USH2A: variants seen among roughly 807,000 people sequenced by gnomAD.
The protein encoded by USH2A is usherin, also known as Usher syndrome 2A (autosomal recessive, mild).
USH2A carries 443 observed loss-of-function variants against 538.9 expected under a neutral mutation model. That is an observed-to-expected ratio of 0.82 (90% CI 0.76 to 0.89). USH2A has a LOEUF of 0.89. Among genes scored for constraint, USH2A ranks in the 40% least tolerant of loss-of-function variants. The pLI is 0.00. For synonymous variants in USH2A, 2,413 were observed against 2,273.5 expected (o/e 1.06, Z -1.75); for missense variants, 6,633 against 6,324.8 (o/e 1.05, Z -1.65).
intron 3 of USH2A, among the ~76,000 whole-genome samples, chr1:216,370,701 A>AAAAAAAAAAAAAAAAAC (rs1208265115): frequency 6.6e-6 from 1 of 150,378 alleles, no homozygotes; most frequent in African/African-American, 2.5e-5. Flanking sequence ...AAAAAAAAAA[A>AAAAAAAAAAAAAAAAAC]ATACTCAAGG....
At chr1:216,037,131 T>A (rs1213813156) in intron 32 of USH2A, among the ~76,000 whole-genome samples, 1 of 152,032 alleles carries the variant, frequency 6.6e-6, no homozygotes, top group Non-Finnish European at 1.5e-5. Flanking sequence ...CCTTAAAGAT[T>A]TTTTTAAGAT....
At position 216,394,720 on chromosome 1, in the gene USH2A, C is replaced by CTTTTTTTTTTTTTTTTTTTTTTTTTTTTT. The variant is rs780581599; in HGVS notation, c.651+23793_651+23794insAAAAAAAAAAAAAAAAAAAAAAAAAAAAA. ...CTTAAGGCCTAATAACTGGTCCAGT[C>CTTTTTTTTTTTTTTTTTTTTTTTTTTTTT]TTTTTTTTTTTTTTTTGAGACAGAG... On this transcript the variant is annotated intron_variant, in intron 3 of 71. Coordinates refer to ENST00000307340, the MANE Select transcript of USH2A (RefSeq NM_206933.4). Among the ~76,000 whole-genome samples, 10 of 120,324 alleles carry CTTTTTTTTTTTTTTTTTTTTTTTTTTTTT rather than the reference C, an allele frequency of 8.3e-5. 3 individuals are homozygous for CTTTTTTTTTTTTTTTTTTTTTTTTTTTTT. The highest frequency in any genetic ancestry group is 1.2e-4 in the African/African-American group (4 of 33,090). The allele number at this position is 120,324 out of a possible 152,430, so 78.9% of individuals were successfully genotyped here.
chr1:215,708,536 G>A lies in USH2A; in HGVS notation c.12066+19494C>T, dbSNP rs74144006. On this transcript the variant is annotated intron_variant, in intron 61 of 71. Transcript: ENST00000307340. ...GTTTCATGGAAGACAATTTTTCCAT[G>A]GAAGGGGGAGGTGGGGATGGTTTTA... is the stretch of plus-strand genomic sequence containing the variant. Among the ~76,000 whole-genome samples the A allele has an allele frequency of 2.8e-3, 426 of 152,326 alleles. 2 individuals are homozygous for A. Among genetic ancestry groups the A allele is most frequent in the African/African-American group, 7.6e-3 (317 of 41,576 alleles).
At chr1:216,075,820 G>A (rs192374631) in intron 27 of USH2A, among the ~76,000 whole-genome samples, 64 of 150,600 alleles carry the variant, frequency 4.2e-4, no homozygotes, top group Non-Finnish European at 6.9e-4. Flanking sequence ...AATTAGTCTT[G>A]TATCTGGTTC....
intron 16 of USH2A, among the ~76,000 whole-genome samples, chr1:216,207,037 G>T (rs917774553): frequency 6.6e-6 from 1 of 151,858 alleles, no homozygotes; most frequent in Non-Finnish European, 1.5e-5. Context: ...TCTTGATGGG[G>T]TCATTTTTTT....
At chr1:215,834,383 T>C (rs1234959653) in intron 47 of USH2A, among the ~76,000 whole-genome samples, 1 of 152,206 alleles carries the variant, frequency 6.6e-6, no homozygotes, top group Non-Finnish European at 1.5e-5. Flanking sequence ...TGCTAGTATG[T>C]ATATAATAAG....
At chr1:215,848,727 T>C (rs925434525) in intron 44 of USH2A, among the ~76,000 whole-genome samples, 2 of 152,202 alleles carry the variant, frequency 1.3e-5, no homozygotes, top group Non-Finnish European at 2.9e-5. Flanking sequence ...CAACATTTGC[T>C]TCAACACTTG....
chr1:216,319,749 C>T (rs1052579448), intron 9 of USH2A, among the ~76,000 whole-genome samples: 6 of 152,166 alleles, frequency 3.9e-5, no homozygotes, highest in Non-Finnish European at 5.9e-5. Flanking sequence ...AGATAATATT[C>T]TTACCATTGA....
chr1:215,825,897 T>C (rs1663139301), intron 47 of USH2A, among the ~76,000 whole-genome samples: 1 of 152,228 alleles, frequency 6.6e-6, no homozygotes, highest in African/African-American at 2.4e-5. Context: ...ACCCATGTTC[T>C]TTTAATAAAA....
chr1:215,674,740 C>T lies in USH2A; in HGVS notation c.13171G>A (p.Val4391Ile). 6.2e-7 allele frequency: 1 copy of T among 1,614,134 alleles called. No individual in the cohort carries two copies. The highest frequency in any genetic ancestry group is 8.5e-7 in the Non-Finnish European group (1 of 1,180,032). Residue 4391 changes from valine (V) to isoleucine (I), a missense_variant, in exon 63 of 72, where the codon GTT becomes ATT. Coordinates refer to ENST00000307340, the MANE Select transcript of USH2A (RefSeq NM_206933.4). ...VQNGKITKYL[V>I]RYDNKESLAG... ...AGGGACTCTTTATTATCATATCTAACTAAATATTTAGTAATCTTTCCATTT... is the reference window on the plus strand; with the variant it reads ...AGGGACTCTTTATTATCATATCTAATTAAATATTTAGTAATCTTTCCATTT...
intron 16 of USH2A, among the ~76,000 whole-genome samples, chr1:216,206,793 C>A (rs1456022267): frequency 6.6e-6 from 1 of 152,152 alleles, no homozygotes; most frequent in Non-Finnish European, 1.5e-5. Flanking sequence ...GAATCATTTT[C>A]AATATTTTGA....
At chr1:216,056,639 T>C (rs1259466152) in intron 30 of USH2A, among the ~76,000 whole-genome samples, 1 of 152,214 alleles carries the variant, frequency 6.6e-6, no homozygotes, top group East Asian at 1.9e-4. Context: ...CCTTAAAATG[T>C]GTTAAGAGGT....
rs536965493 is a variant in USH2A, at chr1:216,002,625, T to G, written c.6326-2063A>C. ...GACCTTGAAATATATAATAGCCATATCAGATTGTCTTGGTCAGCCGCAACC... is the reference window on the plus strand; with the variant it reads ...GACCTTGAAATATATAATAGCCATAGCAGATTGTCTTGGTCAGCCGCAACC... On this transcript the variant is annotated intron_variant, in intron 32 of 71. Transcript: ENST00000307340. 1.8e-4 allele frequency among the ~76,000 whole-genome samples: 27 copies of G among 152,258 alleles called. 1 individual carries two copies. In the South Asian group the frequency reaches 5.6e-3, roughly 32 times the overall value.
At chr1:216,401,348 C>G (rs1268565407) in intron 3 of USH2A, among the ~76,000 whole-genome samples, 1 of 151,862 alleles carries the variant, frequency 6.6e-6, no homozygotes, top group Non-Finnish European at 1.5e-5. Context: ...TTCACGTAAC[C>G]TACAGCAAGG....
intron 19 of USH2A, among the ~76,000 whole-genome samples, chr1:216,192,450 G>T (rs2034738301): frequency 2.6e-5 from 4 of 151,984 alleles, no homozygotes; most frequent in African/African-American, 9.7e-5. Flanking sequence ...CCAGTATTTT[G>T]GGAGACCGAG....
intron 43 of USH2A, among the ~76,000 whole-genome samples, chr1:215,867,767 T>C (rs1297477445): frequency 1.3e-5 from 2 of 152,242 alleles, no homozygotes; most frequent in Non-Finnish European, 1.5e-5. Context: ...AGTGTGAACA[T>C]ATTTACTTGA....
At chr1:215,635,150 C>G (rs1342639892) in intron 69 of USH2A, among the ~76,000 whole-genome samples, 1 of 152,222 alleles carries the variant, frequency 6.6e-6, no homozygotes, top group Non-Finnish European at 1.5e-5. Flanking sequence ...CCTTGGAGAT[C>G]TGAGGTGTAC....
intron 52 of USH2A, among the ~76,000 whole-genome samples, chr1:215,784,981 T>C (rs923686559): frequency 6.6e-6 from 1 of 152,214 alleles, no homozygotes; most frequent in Non-Finnish European, 1.5e-5. Context: ...TGAAAGTCCA[T>C]GACTTAAATC....
At chr1:216,167,632 C>T (rs1288866683) in intron 21 of USH2A, among the ~76,000 whole-genome samples, 2 of 152,074 alleles carry the variant, frequency 1.3e-5, no homozygotes, top group African/African-American at 4.8e-5. Flanking sequence ...CGCAAGACCT[C>T]GGAAGCATGC....
Sources: gnomAD v4.1 joint callset for allele counts (sites outside exome capture counted in the v4.1 genomes callset) on GRCh38, gnomAD v4.1.1 for gene constraint, MANE v1.5 for transcripts, NCBI Gene and HGNC (gene_info 2026-07-23, HGNC 2026-07-21) for gene names.